Variants in PEBP4 observed in about 807,000 individuals in gnomAD.
The protein encoded by PEBP4 is phosphatidylethanolamine binding protein 4.
Under a neutral mutation model 23.9 loss-of-function variants are expected in PEBP4, and 22 were observed. The observed-to-expected ratio is 0.92, with a 90% CI of 0.66 to 1.31. The LOEUF is 1.31. Among genes scored for constraint, PEBP4 ranks in the 40% most tolerant of loss-of-function variants. The pLI is 0.00. For synonymous variants in PEBP4, 112 were observed against 99.3 expected (o/e 1.13, Z -0.76); for missense variants, 324 against 281.7 (o/e 1.15, Z -1.07).
At chr8:22,866,502 T>A (rs1030902133) in intron 3 of PEBP4, among the ~76,000 whole-genome samples, 3 of 152,198 alleles carry the variant, frequency 2.0e-5, no homozygotes, top group Non-Finnish European at 4.4e-5. Flanking sequence ...ACAGATTCGG[T>A]AACTTCTCTA....
intron 1 of PEBP4, among the ~76,000 whole-genome samples, chr8:22,939,650 C>G (rs1397805299): frequency 2.0e-5 from 3 of 151,590 alleles, no homozygotes; most frequent in African/African-American, 4.9e-5. Context: ...TTCTACCAAG[C>G]AGAAGGCAGA....
At chr8:22,848,517 C>T (rs1807487257) in intron 3 of PEBP4, among the ~76,000 whole-genome samples, 1 of 152,058 alleles carries the variant, frequency 6.6e-6, no homozygotes, top group Non-Finnish European at 1.5e-5. Context: ...GTGCTCACTC[C>T]TGTGCAGGTG....
chr8:22,868,993 T>C (rs1293905102), intron 3 of PEBP4, among the ~76,000 whole-genome samples: 3 of 152,260 alleles, frequency 2.0e-5, no homozygotes, highest in African/African-American at 7.2e-5. Context: ...GATCTGCAGA[T>C]ACCACCCCAA....
intron 3 of PEBP4, among the ~76,000 whole-genome samples, chr8:22,916,644 TG>T (rs1235566720): frequency 7.1e-6 from 1 of 141,820 alleles, no homozygotes; most frequent in African/African-American, 2.6e-5. Flanking sequence ...CTCTCCCACA[TG>T]TCATTCATTC....
At chr8:22,773,637 G>A (rs1585265016) in intron 4 of PEBP4, among the ~76,000 whole-genome samples, 1 of 152,172 alleles carries the variant, frequency 6.6e-6, no homozygotes. Context: ...TGGCCCCTGA[G>A]AGGGTGCTCA....
chr8:22,739,158 C>T (rs558061430), intron 4 of PEBP4, among the ~76,000 whole-genome samples: 18 of 145,050 alleles, frequency 1.2e-4, no homozygotes, highest in Non-Finnish European at 2.3e-4. Context: ...GGGCTGTATC[C>T]GAGCAGAGGT....
At chr8:22,930,869 G>A (rs1467556169), upstream of PEBP4, among the ~76,000 whole-genome samples, 6 of 152,224 alleles carry the variant, frequency 3.9e-5, no homozygotes, top group East Asian at 5.8e-4. Context: ...AAGTCCCATT[G>A]CTAGATTTCT....
chr8:22,885,794 G>A (rs1808360318), intron 3 of PEBP4: 1 of 152,134 alleles, frequency 6.6e-6, no homozygotes, highest in Non-Finnish European at 1.5e-5. Flanking sequence ...GGTCCTCTTG[G>A]GAAGCCAGCT....
chr8:22,910,062 C>A (rs1808905990), intron 3 of PEBP4, among the ~76,000 whole-genome samples: 1 of 152,210 alleles, frequency 6.6e-6, no homozygotes, highest in African/African-American at 2.4e-5. Context: ...ACTGAGGCAG[C>A]ACACCGATGG....
At chr8:22,911,863 C>T (rs1808944783) in intron 3 of PEBP4, among the ~76,000 whole-genome samples, 1 of 152,200 alleles carries the variant, frequency 6.6e-6, no homozygotes, top group South Asian at 2.1e-4. Flanking sequence ...TAGATCAGCG[C>T]ACACAGTTTT....
intron 4 of PEBP4, among the ~76,000 whole-genome samples, chr8:22,747,909 G>A (rs1395697865): frequency 6.6e-6 from 1 of 152,188 alleles, no homozygotes; most frequent in Non-Finnish European, 1.5e-5. Flanking sequence ...AGGAGCCCAG[G>A]GCCGCGTGCA....
chr8:22,752,094 T>C (rs1344909086), intron 4 of PEBP4, among the ~76,000 whole-genome samples: 1 of 152,070 alleles, frequency 6.6e-6, no homozygotes, highest in Non-Finnish European at 1.5e-5. Flanking sequence ...TTTTATAGAG[T>C]TGGAGTCTTG....
intron 3 of PEBP4, among the ~76,000 whole-genome samples, chr8:22,883,369 A>T (rs951955811): frequency 6.6e-6 from 1 of 152,016 alleles, no homozygotes; most frequent in African/African-American, 2.4e-5. Context: ...ACCCATTAAC[A>T]CACCCAGATC....
intron 6 of PEBP4, among the ~76,000 whole-genome samples, chr8:22,720,689 G>A (rs1401515039): frequency 1.3e-5 from 2 of 152,208 alleles, no homozygotes; most frequent in Non-Finnish European, 2.9e-5. Context: ...GCCAGCCCTT[G>A]TCAGAGGCAC....
At chr8:22,856,035 G>A (rs1437087452) in intron 3 of PEBP4, among the ~76,000 whole-genome samples, 1 of 115,746 alleles carries the variant, frequency 8.6e-6, no homozygotes, top group Non-Finnish European at 1.7e-5. Context: ...GGGCGAGGGT[G>A]AGACCCTGTC....
At chr8:22,883,094 T>A (rs1808298328) in intron 3 of PEBP4, among the ~76,000 whole-genome samples, 2 of 152,218 alleles carry the variant, frequency 1.3e-5, no homozygotes, top group Admixed American at 6.5e-5. Context: ...TGTGTCTGCA[T>A]GTCTTCCCAC....
At chr8:22,897,770 T>G (rs1808618404) in intron 3 of PEBP4, 1 of 152,206 alleles carries the variant, frequency 6.6e-6, no homozygotes. Context: ...AACCTGCTCT[T>G]CCCTCAGCCT....
chr8:22,923,184 G>A (rs150421276), intron 2 of PEBP4, among the ~76,000 whole-genome samples: 3 of 152,202 alleles, frequency 2.0e-5, no homozygotes, highest in Non-Finnish European at 2.9e-5. Flanking sequence ...TTTCTTCCCC[G>A]CACCACACGT....
At chr8:22,733,559 C>T (rs372220570) in intron 4 of PEBP4, among the ~76,000 whole-genome samples, 2 of 152,078 alleles carry the variant, frequency 1.3e-5, no homozygotes, top group African/African-American at 2.4e-5. Flanking sequence ...CTGTAGGCAG[C>T]GGCCCACCCA....
Sources: gnomAD v4.1 joint callset for allele counts (sites outside exome capture counted in the v4.1 genomes callset) on GRCh38, gnomAD v4.1.1 for gene constraint, MANE v1.5 for transcripts, NCBI Gene and HGNC (gene_info 2026-07-23, HGNC 2026-07-21) for gene names.